Variants in DLGAP4 observed in about 807,000 individuals in gnomAD.
DLGAP4 encodes the protein DLG associated protein 4, also known as disks large-associated protein 4.
DLGAP4 carries 18 observed loss-of-function variants against 86.9 expected under a neutral mutation model. The observed-to-expected ratio is 0.21, with a 90% confidence interval of 0.14 to 0.31. DLGAP4 has a LOEUF of 0.31. DLGAP4 is among the 10% of genes least tolerant of loss of function. The pLI is 1.00. For synonymous variants in DLGAP4, 548 were observed against 574.3 expected, an observed-to-expected ratio of 0.95 and a Z score of 0.65; for missense variants, 1,085 against 1,362.6, an observed-to-expected ratio of 0.80 and a Z score of 3.21.
At chr20:36,462,684 A>G (rs1240085626) in intron 7 of DLGAP4, 1 of 1,511,758 alleles carries the variant, frequency 6.6e-7, no homozygotes, top group Admixed American at 2.4e-5. Context: ...CGCTGGGGCA[A>G]GGGCTGGCGC....
chr20:36,470,757 AT>A (rs1187622707), intron 7 of DLGAP4, among the ~76,000 whole-genome samples: 1 of 151,272 alleles, frequency 6.6e-6, no homozygotes, highest in Non-Finnish European at 1.5e-5. Context: ...TATACCTTGA[AT>A]TTTTCATGTA....
chr20:36,462,759 C>G (rs1438058569), intron 7 of DLGAP4, among the ~76,000 whole-genome samples: 1 of 152,156 alleles, frequency 6.6e-6, no homozygotes, highest in Non-Finnish European at 1.5e-5. Flanking sequence ...GGCTGTCTGG[C>G]GGAGGAGGGA....
chr20:36,415,429 A>G (rs964692274), intron 2 of DLGAP4, among the ~76,000 whole-genome samples: 2 of 152,200 alleles, frequency 1.3e-5, no homozygotes, highest in African/African-American at 2.4e-5. Context: ...ATGGCTAAAT[A>G]GAGACAGTGC....
intron 7 of DLGAP4, among the ~76,000 whole-genome samples, chr20:36,484,010 A>G (rs897879628): frequency 1.3e-5 from 2 of 152,238 alleles, no homozygotes; most frequent in Admixed American, 6.5e-5. Context: ...CCTAACTCCC[A>G]GCCCTGGAGG....
At chr20:36,488,911 T>A (rs922737265) in intron 7 of DLGAP4, among the ~76,000 whole-genome samples, 1 of 152,228 alleles carries the variant, frequency 6.6e-6, no homozygotes, top group Admixed American at 6.5e-5. Flanking sequence ...TTCATTAACA[T>A]TGAACTCATG....
Position 36,436,350 on chromosome 20 carries a change from G to A in DLGAP4, c.1241G>A (p.Arg414Lys). ...CTGGGAGAGCAGAGCAACCCCCGCAGGTAGGCGCGCAGCTCCACCCTTACG... is the reference window on the plus strand; with the variant it reads ...CTGGGAGAGCAGAGCAACCCCCGCAAGTAGGCGCGCAGCTCCACCCTTACG... ...QSLGEQSNPRRSLDRLDSVDM... is the reference protein window; with the variant it reads ...QSLGEQSNPRKSLDRLDSVDM... The change falls in exon 4 of 13, where the codon AGG (arginine) becomes AAG (lysine). Residue 414 changes from arginine to lysine, a missense_variant and splice_region_variant. By Grantham distance (26) the Arg-to-Lys change is conservative. Around this residue, in one of 2 missense-constraint regions of DLGAP4, gnomAD observed 1,082 missense variants for 1,344.1 expected, o/e 0.81. Transcript: ENST00000339266. 6.3e-7 allele frequency: 1 copy of A among 1,591,564 alleles called. No homozygotes were observed.
intron 7 of DLGAP4, among the ~76,000 whole-genome samples, chr20:36,476,282 T>TCCC (rs2034914223): frequency 6.9e-6 from 1 of 144,490 alleles, no homozygotes; most frequent in South Asian, 2.2e-4. Context: ...AAACACTAAC[T>TCCC]CCCCATTACC....
chr20:36,510,079 C>T (rs185056968), intron 10 of DLGAP4, among the ~76,000 whole-genome samples: 12 of 152,110 alleles, frequency 7.9e-5, no homozygotes, highest in Admixed American at 3.3e-4. Context: ...TCAAGTGATC[C>T]GCCTGCCTCA....
chr20:36,525,931 C>G lies in DLGAP4; in HGVS notation c.2685C>G (p.Ile895Met). 1 of 1,613,966 alleles carries G rather than the reference C, an allele frequency of 6.2e-7. No individual in the cohort carries two copies. Among genetic ancestry groups the G allele is most frequent in the Non-Finnish European group, 8.5e-7 (1 of 1,179,978 alleles). The change falls in exon 12 of 13, where the codon ATC becomes ATG. Residue 895 changes from isoleucine to methionine, a missense_variant. By Grantham distance (10) the Ile-to-Met change is conservative. Around this residue, in one of 2 missense-constraint regions of DLGAP4, gnomAD observed 1,082 missense variants for 1,344.1 expected, o/e 0.81. Transcript: ENST00000339266. Reference protein sequence around the residue: ...WDLLQLSIEDISMKFDELYHL... With the variant: ...WDLLQLSIEDMSMKFDELYHL... ...TGCTACAGCTGTCCATCGAGGATAT[C>G]AGCATGAAGTTCGATGAACTCTACC... is the stretch of plus-strand genomic sequence containing the variant.
chr20:36,378,202 A>G (rs2425227), intron 2 of DLGAP4, among the ~76,000 whole-genome samples: 109,112 of 151,966 alleles, frequency 0.72, 39,791 homozygotes, highest in African/African-American at 0.85. Context: ...GGTAGATACC[A>G]AGCTCCAGAT....
chr20:36,453,689 T>C lies in DLGAP4; in HGVS notation c.1648+6752T>C, dbSNP rs145481937. 7.3e-3 allele frequency among the ~76,000 whole-genome samples: 1,102 copies of C among 151,728 alleles called. 16 individuals carry two copies. The highest frequency in any genetic ancestry group is 0.025 in the African/African-American group (1,040 of 41,378). On this transcript the variant is annotated intron_variant, in intron 7 of 12. Transcript: ENST00000339266. ...GGGTCACACCTGTAATCCCAACACT[T>C]TGGGAAGCTGAGGTGGGTGGATCAC...
intron 10 of DLGAP4, among the ~76,000 whole-genome samples, chr20:36,516,292 A>G (rs1202208051): frequency 6.6e-6 from 1 of 152,240 alleles, no homozygotes; most frequent in Non-Finnish European, 1.5e-5. Flanking sequence ...TGCTAACAAC[A>G]GAATCCTTAT....
intron 1 of DLGAP4, among the ~76,000 whole-genome samples, chr20:36,309,379 A>G (rs2065033454): frequency 6.6e-6 from 1 of 152,038 alleles, no homozygotes; most frequent in South Asian, 2.1e-4. Context: ...CAACGTGTGC[A>G]CTCATCCATT....
chr20:36,448,450 G>A (rs1004946047), intron 7 of DLGAP4, among the ~76,000 whole-genome samples: 2 of 152,214 alleles, frequency 1.3e-5, no homozygotes, highest in Non-Finnish European at 2.9e-5. Context: ...AAGCTAGTTC[G>A]CCTTCCTGAG....
chr20:36,373,410 CA>C (rs2031019377), intron 2 of DLGAP4, among the ~76,000 whole-genome samples: 1 of 152,220 alleles, frequency 6.6e-6, no homozygotes, highest in Non-Finnish European at 1.5e-5. Context: ...TGCTCAAACA[CA>C]AGTCCCAGAA....
At chr20:36,404,985 C>G (rs981062531) in intron 2 of DLGAP4, among the ~76,000 whole-genome samples, 2 of 152,184 alleles carry the variant, frequency 1.3e-5, no homozygotes, top group Non-Finnish European at 2.9e-5. Flanking sequence ...GCGGTGTGCG[C>G]TGGGCCTTGC....
chr20:36,435,963 T>G (rs768019795), intron 3 of DLGAP4, 146 bp from the exon 4 acceptor site: 14 of 1,261,994 alleles, frequency 1.1e-5, no homozygotes, highest in Non-Finnish European at 1.5e-5. Flanking sequence ...TCTGCTCTGC[T>G]GCCCCGAGGT....
chr20:36,342,506 C>G (rs2065393454), intron 1 of DLGAP4, among the ~76,000 whole-genome samples: 1 of 152,328 alleles, frequency 6.6e-6, no homozygotes, highest in African/African-American at 2.4e-5. Flanking sequence ...AGCCTCGGTA[C>G]TACCAATGCT....
In DLGAP4 at chr20:36,324,747, C is replaced by A. The variant is rs527398777; in HGVS notation, c.-304+18235C>A. ...ATTATTGTAGCTTTGTAATAAGTTTCGAAACTTATTATCTTTTAATATCTG... is the reference window on the plus strand; with the variant it reads ...ATTATTGTAGCTTTGTAATAAGTTTAGAAACTTATTATCTTTTAATATCTG... On this transcript the variant is annotated intron_variant, in intron 1 of 12. Coordinates refer to ENST00000339266, the MANE Select transcript of DLGAP4 (RefSeq NM_001365621.2). 2.2e-4 allele frequency among the ~76,000 whole-genome samples: 34 copies of A among 152,186 alleles called. No homozygotes were observed. In the South Asian group the frequency reaches 6.6e-3, roughly 30 times the overall value.
Sources: gnomAD v4.1 joint callset for allele counts (sites outside exome capture counted in the v4.1 genomes callset) on GRCh38, gnomAD v4.1.1 for gene constraint, gnomAD v4.1.1 regional missense constraint, MANE v1.5 for transcripts, NCBI Gene and HGNC (gene_info 2026-07-23, HGNC 2026-07-21) for gene names.